PRKG1: variants seen among roughly 807,000 people sequenced by gnomAD.
The protein encoded by PRKG1 is cGMP-dependent protein kinase 1.
Under a neutral mutation model 88.1 loss-of-function variants are expected in PRKG1, and 35 were observed. The observed-to-expected ratio is 0.40, with a 90% CI of 0.30 to 0.53. The LOEUF (loss-of-function observed/expected upper bound fraction) is 0.53, where lower values mean the gene tolerates loss of function less well. PRKG1 is among the 20% of genes least tolerant of loss of function. PRKG1 has a pLI of 0.59. For synonymous variants in PRKG1, 303 were observed against 292.5 expected (o/e 1.04, Z -0.37); for missense variants, 540 against 839.8 (o/e 0.64, Z 4.41).
intron 3 of PRKG1, among the ~76,000 whole-genome samples, chr10:51,802,157 T>C (rs1839189920): frequency 6.6e-6 from 1 of 152,162 alleles, no homozygotes; most frequent in Non-Finnish European, 1.5e-5. Context: ...TAATCACAAC[T>C]CTAATATAAC....
intron 4 of PRKG1, among the ~76,000 whole-genome samples, chr10:51,862,643 G>A (rs747524522): frequency 9.2e-5 from 14 of 152,044 alleles, no homozygotes; most frequent in Non-Finnish European, 2.1e-4. Context: ...TGGCTAAAAG[G>A]CATCGAGAAA....
intron 10 of PRKG1, among the ~76,000 whole-genome samples, chr10:52,266,754 G>C (rs908868250): frequency 1.5e-4 from 22 of 151,446 alleles, no homozygotes; most frequent in African/African-American, 5.1e-4. Context: ...GAGAGTTTGA[G>C]TAATTTGTCC....
intron 2 of PRKG1, among the ~76,000 whole-genome samples, chr10:51,324,673 G>A (rs765655226): frequency 2.0e-5 from 3 of 152,034 alleles, no homozygotes; most frequent in South Asian, 2.1e-4. Context: ...CCTGGGAGGC[G>A]GAGCTTGCAG....
At chr10:51,990,747 G>A (rs1016287739) in intron 5 of PRKG1, among the ~76,000 whole-genome samples, 5 of 152,004 alleles carry the variant, frequency 3.3e-5, no homozygotes, top group African/African-American at 9.7e-5. Flanking sequence ...AGGCTCCAGT[G>A]TCTGTTGTTC....
intron 2 of PRKG1, among the ~76,000 whole-genome samples, chr10:51,381,588 T>C (rs141424252): frequency 6.6e-6 from 1 of 152,296 alleles, no homozygotes; most frequent in East Asian, 1.9e-4. Context: ...AACTTTGGCC[T>C]TGAGCCAATG....
rs955076888 is a variant in PRKG1, at chr10:51,970,671, C to T, written c.762+63101C>T. On this transcript the variant is annotated intron_variant, in intron 5 of 17. Coordinates refer to ENST00000373980, the MANE Select transcript of PRKG1 (RefSeq NM_006258.4). ...ACTTTGAAGCTGACCATATTGTATA[C>T]ATGATTAATCATCTGATATATATAT... Among the ~76,000 whole-genome samples the T allele has an allele frequency of 1.6e-4, 23 of 144,844 alleles. 1 individual carries two copies. The highest frequency in any genetic ancestry group is 6.6e-4 in the South Asian group (3 of 4,562).
chr10:51,183,843 T>C (rs1455008798), intron 2 of PRKG1, among the ~76,000 whole-genome samples: 1 of 152,244 alleles, frequency 6.6e-6, no homozygotes, highest in Non-Finnish European at 1.5e-5. Context: ...GCCTAGTTGT[T>C]AGTTCAGAGA....
At chr10:51,257,167 T>G (rs1589285503) in intron 2 of PRKG1, among the ~76,000 whole-genome samples, 2 of 83,178 alleles carry the variant, frequency 2.4e-5, no homozygotes, top group Admixed American at 1.4e-4. Flanking sequence ...CAGAGAAGGG[T>G]TTTTTTTTTT....
chr10:52,056,623 A>G (rs950095609), intron 6 of PRKG1, among the ~76,000 whole-genome samples: 2 of 152,306 alleles, frequency 1.3e-5, no homozygotes, highest in South Asian at 4.1e-4. Flanking sequence ...TAGTACTAAT[A>G]TATTAGACTC....
At chr10:51,085,622 T>C (rs941689844) in intron 1 of PRKG1, among the ~76,000 whole-genome samples, 1 of 151,986 alleles carries the variant, frequency 6.6e-6, no homozygotes, top group Non-Finnish European at 1.5e-5. Flanking sequence ...TTTTTTTGGC[T>C]GGGAGATCGA....
chr10:52,172,023 C>T (rs1042440137), intron 9 of PRKG1, among the ~76,000 whole-genome samples: 1 of 150,858 alleles, frequency 6.6e-6, no homozygotes, highest in East Asian at 2.0e-4. Context: ...AGGATGGTCT[C>T]GATCTCCTGA....
At chr10:50,993,490 C>T (rs769072970) in intron 1 of PRKG1, among the ~76,000 whole-genome samples, 3 of 152,208 alleles carry the variant, frequency 2.0e-5, no homozygotes, top group Non-Finnish European at 1.5e-5. Context: ...CTTGTCTCAG[C>T]CGGGCTGTGC....
chr10:51,291,501 C>A (rs1840582214), intron 2 of PRKG1, among the ~76,000 whole-genome samples: 1 of 152,112 alleles, frequency 6.6e-6, no homozygotes, highest in South Asian at 2.1e-4. Context: ...CAGCATCAAA[C>A]CAAAGTTCTG....
intron 3 of PRKG1, among the ~76,000 whole-genome samples, chr10:51,701,943 T>C (rs1045446628): frequency 6.6e-6 from 1 of 152,162 alleles, no homozygotes; most frequent in African/African-American, 2.4e-5. Context: ...AGCTCTCAGG[T>C]GATGCTGATG....
intron 5 of PRKG1, among the ~76,000 whole-genome samples, chr10:51,999,125 G>A (rs186944106): frequency 1.3e-5 from 2 of 152,312 alleles, no homozygotes; most frequent in African/African-American, 2.4e-5. Context: ...AAAAGCAGCA[G>A]ATGTGAGCTT....
At chr10:51,040,038 A>G (rs1361294650) in intron 1 of PRKG1, among the ~76,000 whole-genome samples, 1 of 152,138 alleles carries the variant, frequency 6.6e-6, no homozygotes, top group Non-Finnish European at 1.5e-5. Flanking sequence ...CTTCTTGCTT[A>G]AGATAACTTT....
intron 3 of PRKG1, among the ~76,000 whole-genome samples, chr10:51,793,031 T>C (rs761072221): frequency 8.1e-5 from 12 of 148,918 alleles, no homozygotes; most frequent in Admixed American, 6.1e-4. Context: ...CATGGCATTA[T>C]TAAGTGAAAA....
chr10:51,386,407 T>G (rs1193496907), intron 2 of PRKG1, among the ~76,000 whole-genome samples: 2 of 152,040 alleles, frequency 1.3e-5, no homozygotes, highest in African/African-American at 4.8e-5. Flanking sequence ...TGTAATTGAG[T>G]CTGAGTCCAA....
chr10:51,333,743 C>T (rs1419487607), intron 2 of PRKG1, among the ~76,000 whole-genome samples: 3 of 152,210 alleles, frequency 2.0e-5, no homozygotes, highest in Non-Finnish European at 4.4e-5. Context: ...CATGCTTTCA[C>T]TGACAGGTAT....
Sources: allele counts gnomAD v4.1 joint callset (sites outside exome capture counted in the v4.1 genomes callset), GRCh38; gene constraint gnomAD v4.1.1; transcripts MANE v1.5; gene names NCBI Gene and HGNC (gene_info 2026-07-23, HGNC 2026-07-21).